ABCC3: variants seen among roughly 807,000 people sequenced by gnomAD.
The protein encoded by ABCC3 is ATP-binding cassette sub-family C member 3.
A neutral mutation model predicts 165.3 loss-of-function variants in ABCC3; 121 were observed. The ratio of observed to expected loss-of-function variants is 0.73; its 90% CI spans 0.63 to 0.85. ABCC3 has a LOEUF of 0.85. Among genes scored for constraint, ABCC3 ranks in the 40% least tolerant of loss-of-function variants. ABCC3 has a pLI of 0.00. For missense variants in ABCC3, 1,869 were observed against 1,964.1 expected (o/e 0.95, Z 0.92); for synonymous variants, 733 against 810.1 (o/e 0.90, Z 1.62).
intron 8 of ABCC3, 81 bp downstream of exon 8, chr17:50,661,195 C>A: frequency 7.1e-7 from 1 of 1,410,314 alleles, no homozygotes; most frequent in Non-Finnish European, 9.5e-7. Flanking sequence ...GAACAACGTA[C>A]AGTGAAAAGA....
chr17:50,669,365 A>G lies in ABCC3; in HGVS notation c.2078A>G (p.Tyr693Cys), dbSNP rs1320125366. 3.7e-6 allele frequency: 6 copies of G among 1,614,116 alleles called. No homozygotes were observed. The highest frequency in any genetic ancestry group is 2.7e-5 in the African/African-American group (2 of 74,946). Residue 693 changes from tyrosine (Y) to cysteine (C), a missense_variant, in exon 17 of 31, where the codon TAT becomes TGT. Tyr to Cys is a radical substitution (Grantham distance 194). Coordinates refer to ENST00000285238, the MANE Select transcript of ABCC3 (RefSeq NM_003786.4). ...TCCTGTGGCCAGGGCTCCGTGGCCTATGTGCCCCAGCAGGCATGGATCCAG... is the reference window on the plus strand; with the variant it reads ...TCCTGTGGCCAGGGCTCCGTGGCCTGTGTGCCCCAGCAGGCATGGATCCAG... ...GKVHMKGSVA[Y>C]VPQQAWIQNC...
intron 26 of ABCC3, among the ~76,000 whole-genome samples, chr17:50,680,877 C>A (rs983362520): frequency 6.6e-6 from 1 of 152,092 alleles, no homozygotes; most frequent in Non-Finnish European, 1.5e-5. Context: ...GAGTTCAAAA[C>A]CAGCCTGGCC....
intron 1 of ABCC3, among the ~76,000 whole-genome samples, chr17:50,638,117 G>T (rs139992664): frequency 2.0e-5 from 3 of 152,320 alleles, no homozygotes; most frequent in African/African-American, 7.2e-5. Context: ...AATTCCAAAA[G>T]AGTGAACTGT....
rs752145361 is a variant in ABCC3, at chr17:50,683,704, G to T, written c.3902G>T (p.Gly1301Val). Reference sequence around the variant, plus strand: ...AATTATTCTGTGCGCTACCGGCCGGGCCTAGACCTGGTGCTGAGAGACCTG... The same window carrying T: ...AATTATTCTGTGCGCTACCGGCCGGTCCTAGACCTGGTGCTGAGAGACCTG... Reference protein sequence around the residue: ...FRNYSVRYRPGLDLVLRDLSL... With the variant: ...FRNYSVRYRPVLDLVLRDLSL... Residue 1301 changes from glycine (G) to valine (V), a missense_variant, in exon 27 of 31, where the codon GGC becomes GTC. Coordinates refer to ENST00000285238, the MANE Select transcript of ABCC3 (RefSeq NM_003786.4). 2 of 1,609,238 alleles carry T rather than the reference G, an allele frequency of 1.2e-6. No individual in the cohort carries two copies. The highest frequency in any genetic ancestry group is 2.7e-5 in the African/African-American group (2 of 74,514).
intron 1 of ABCC3, among the ~76,000 whole-genome samples, chr17:50,654,889 G>A (rs925896356): frequency 2.0e-5 from 3 of 148,384 alleles, no homozygotes; most frequent in South Asian, 4.2e-4. Flanking sequence ...TCAAGAGATC[G>A]AGACCATCCT....
At chr17:50,672,671 G>A (rs1385744306) in intron 17 of ABCC3, among the ~76,000 whole-genome samples, 1 of 152,122 alleles carries the variant, frequency 6.6e-6, no homozygotes, top group Non-Finnish European at 1.5e-5. Flanking sequence ...TGGAGACCAG[G>A]CTGGGCAACA....
At chr17:50,639,391 G>A (rs541201688) in intron 1 of ABCC3, among the ~76,000 whole-genome samples, 66 of 152,328 alleles carry the variant, frequency 4.3e-4, no homozygotes, top group African/African-American at 1.6e-3. Flanking sequence ...TACGGGGAAG[G>A]AAGTGAGTCA....
chr17:50,668,380 TG>T, intron 13 of ABCC3, 49 bp from the exon 14 acceptor site: 1 of 1,530,026 alleles, frequency 6.5e-7, no homozygotes, highest in Non-Finnish European at 9.0e-7. Context: ...GGGTAGGGGT[TG>T]GGGGTTGGGA....
intron 30 of ABCC3, 102 bp downstream of exon 30, chr17:50,687,832 T>C (rs1968051246): frequency 1.2e-5 from 15 of 1,252,692 alleles, no homozygotes; most frequent in Non-Finnish European, 1.5e-5. Flanking sequence ...GCAATGTTCC[T>C]GGGATTGCTA....
Position 50,691,155 on chromosome 17 carries a change from T to G in ABCC3, c.4539T>G (p.Ala1513=), listed in dbSNP as rs751476464. ...ATTCTCCAGCCAACCTCATTGCAGC[T>G]AGAGGCATCTTCTACGGGATGGCCA... ...EFDSPANLIA[A]RGIFYGMARD... The change falls in exon 31 of 31, where the codon GCT becomes GCG. Residue 1513 remains alanine, a synonymous_variant. Coordinates refer to ENST00000285238, the MANE Select transcript of ABCC3 (RefSeq NM_003786.4). The G allele has an allele frequency of 8.7e-6, 14 of 1,614,078 alleles. No homozygotes were observed. Among genetic ancestry groups the G allele is most frequent in the African/African-American group, 4.0e-5 (3 of 74,948 alleles).
chr17:50,668,985 C>A, intron 15 of ABCC3, 66 bp downstream of exon 15: 1 of 1,596,604 alleles, frequency 6.3e-7, no homozygotes, highest in African/African-American at 1.3e-5. Context: ...TCAATAGCAG[C>A]ACCCTGCAAA....
At position 50,684,978 on chromosome 17, in the gene ABCC3, C is replaced by T. The variant is rs551345237; in HGVS notation, c.4280+103C>T. 2.0e-5 allele frequency: 26 copies of T among 1,310,392 alleles called. 1 individual carries two copies. The highest frequency in any genetic ancestry group is 1.7e-4 in the South Asian group (12 of 72,540). 81.2% of individuals were successfully genotyped at this position (1,310,392 alleles called of 1,614,324 possible). A position where few individuals can be genotyped will look rare whatever the true frequency, so the allele number is the denominator to read the frequency against. ...CAATGACACAGAGATGAGGCCAGCC[C>T]GGATGTGCACAGGGCTGTCCTTTCG... On this transcript the variant is annotated intron_variant, in intron 29 of 30. Transcript: ENST00000285238.
rs889324542 is a variant in ABCC3 at position 50,676,259 on chromosome 17, C to T, written c.3068-19C>T. ...CTCACTAGTCCAGGTGAGCCAGCGC[C>T]CTCTGCCTTCTCCAACAGGGTTCTT... On this transcript the variant is annotated intron_variant, in intron 22 of 30. Coordinates refer to ENST00000285238, the MANE Select transcript of ABCC3 (RefSeq NM_003786.4). 1 of 1,604,754 alleles carries T rather than the reference C, an allele frequency of 6.2e-7. No homozygotes were observed. Among genetic ancestry groups the T allele is most frequent in the African/African-American group, 1.3e-5 (1 of 74,860 alleles).
chr17:50,635,350 C>G (rs9890046), intron 1 of ABCC3: 483,818 of 630,870 alleles, frequency 0.77, 188,262 homozygotes, highest in East Asian at 1. Context: ...CCGCGGGTTC[C>G]TGATGGAGGG....
At position 50,639,899 on chromosome 17, in the gene ABCC3, G is replaced by T. The variant is rs191580104; in HGVS notation, c.45+4918G>T. Among the ~76,000 whole-genome samples the T allele has an allele frequency of 3.8e-3, 582 of 152,128 alleles. 2 individuals carry two copies. The highest frequency in any genetic ancestry group is 0.014 in the African/African-American group (569 of 41,488). ...CTGCCTCAGCCTCCCAAGTAGCTGG[G>T]ATTACAGGTGCACACCACCATGCCC... On this transcript the variant is annotated intron_variant, in intron 1 of 30. Coordinates refer to ENST00000285238, the MANE Select transcript of ABCC3 (RefSeq NM_003786.4).
rs1439902734 is a variant in ABCC3, at chr17:50,657,103, G to A, written c.406G>A (p.Val136Ile). ...GCTGCAGGGCGTACAGTCTTCGGGGGTCCTCATTATCTTCTGGTTCCTGTG... is the reference window on the plus strand; with the variant it reads ...GCTGCAGGGCGTACAGTCTTCGGGGATCCTCATTATCTTCTGGTTCCTGTG... ...ERLQGVQSSG[V>I]LIIFWFLCVV... Residue 136 changes from valine to isoleucine, a missense_variant, in exon 4 of 31, where the codon GTC becomes ATC. Physicochemically the swap from Val to Ile is conservative, Grantham distance 29 (BLOSUM62 3). Transcript: ENST00000285238. 1.2e-6 allele frequency: 2 copies of A among 1,614,036 alleles called. No homozygotes were observed. The highest frequency in any genetic ancestry group is 2.7e-5 in the African/African-American group (2 of 74,908).
intron 19 of ABCC3, among the ~76,000 whole-genome samples, chr17:50,673,900 T>TTTTCTTTCTTCCTTTC (rs1967705837): frequency 6.1e-5 from 8 of 131,624 alleles, no homozygotes; most frequent in African/African-American, 2.2e-4. Context: ...TCAGAGCCTG[T>TTTTCTTTCTTCCTTTC]TTTCTTTCTT....
intron 23 of ABCC3, among the ~76,000 whole-genome samples, chr17:50,677,400 G>C (rs912622581): frequency 1.3e-5 from 2 of 152,170 alleles, no homozygotes; most frequent in Admixed American, 6.5e-5. Context: ...TCAACACCTG[G>C]GTATAGCGAC....
Position 50,672,969 on chromosome 17 carries a change from A to G in ABCC3, c.2242-2A>G. ...TTTTTCCCACCCCCCGCCTCCCTCC[A>G]GGGCATTAACCTGTCTGGGGGCCAG... On this transcript the variant is annotated splice_acceptor_variant, in intron 17 of 30. Coordinates refer to ENST00000285238, the MANE Select transcript of ABCC3 (RefSeq NM_003786.4). LOFTEE classifies it high-confidence loss of function. The G allele has an allele frequency of 6.2e-7, 1 of 1,612,808 alleles. No individual in the cohort carries two copies. The highest frequency in any genetic ancestry group is 8.5e-7 in the Non-Finnish European group (1 of 1,179,632).
Sources: allele counts gnomAD v4.1 joint callset (sites outside exome capture counted in the v4.1 genomes callset), GRCh38; gene constraint gnomAD v4.1.1; transcripts MANE v1.5; gene names NCBI Gene and HGNC (gene_info 2026-07-23, HGNC 2026-07-21).